RGS3: variants seen among roughly 807,000 people sequenced by gnomAD.
RGS3 encodes regulator of G protein signaling 3.
RGS3 carries 80 observed loss-of-function variants against 132.6 expected under a neutral mutation model. That is an observed-to-expected ratio of 0.60 (90% CI 0.50 to 0.73). RGS3 has a LOEUF of 0.73. Among genes scored for constraint, RGS3 ranks in the 30% least tolerant of loss-of-function variants. RGS3 has a pLI of 0.00. For missense variants in RGS3, 1,382 were observed against 1,530.8 expected (o/e 0.90, Z 1.62); for synonymous variants, 598 against 620.6 (o/e 0.96, Z 0.54).
At chr9:113,445,957 G>T (rs1333803788) in intron 1 of RGS3, among the ~76,000 whole-genome samples, 1 of 152,196 alleles carries the variant, frequency 6.6e-6, no homozygotes, top group Non-Finnish European at 1.5e-5. Flanking sequence ...GGGATTACAG[G>T]CGTGACCCAC....
At chr9:113,451,429 A>C (rs184750697) in intron 1 of RGS3, among the ~76,000 whole-genome samples, 16 of 152,318 alleles carry the variant, frequency 1.1e-4, no homozygotes, top group African/African-American at 3.8e-4. Context: ...ATCACAGTAC[A>C]TGGATCCAGA....
intron 18 of RGS3, 93 bp from the exon 17 acceptor site, chr9:113,536,703 C>T (rs767944293): frequency 3.9e-6 from 6 of 1,544,076 alleles, no homozygotes; most frequent in African/African-American, 1.4e-5. Context: ...TGCAGCCTCA[C>T]CCTCTGGAGC....
chr9:113,580,431 A>C (rs924949006), intron 19 of RGS3, among the ~76,000 whole-genome samples: 1 of 152,184 alleles, frequency 6.6e-6, no homozygotes, highest in African/African-American at 2.4e-5. Context: ...ATTGTATCAA[A>C]AGCTTTTCCA....
At chr9:113,574,361 G>T (rs1834418898) in intron 19 of RGS3, among the ~76,000 whole-genome samples, 1 of 152,154 alleles carries the variant, frequency 6.6e-6, no homozygotes, top group African/African-American at 2.4e-5. Flanking sequence ...TCCTCCCAGA[G>T]CCATCCTAGT....
At chr9:113,523,578 G>C (rs1832064402) in intron 17 of RGS3, among the ~76,000 whole-genome samples, 1 of 152,170 alleles carries the variant, frequency 6.6e-6, no homozygotes, top group African/African-American at 2.4e-5. Context: ...TGGCCCTGCG[G>C]AGCCCAAGCC....
At chr9:113,523,149 T>C (rs7037441) in intron 17 of RGS3, 108 bp downstream of exon 15, 68,320 of 724,702 alleles carry the variant, frequency 0.094, 4,020 homozygotes, top group African/African-American at 0.19. Context: ...GGCACTGGAG[T>C]GTGTGCTGCT....
chr9:113,539,860 G>A (rs1281368537), intron 19 of RGS3, among the ~76,000 whole-genome samples: 1 of 152,212 alleles, frequency 6.6e-6, no homozygotes, highest in African/African-American at 2.4e-5. Flanking sequence ...AGGGAGTCAG[G>A]GGAAGATGGA....
At chr9:113,498,025 A>G in exon 10 of RGS3, 1 of 1,613,664 alleles carries the variant, frequency 6.2e-7, no homozygotes, top group Non-Finnish European at 8.5e-7. Context: ...CACCTTCCAG[A>G]CCCGCTGCTG....
chr9:113,501,275 G>A, intron 10 of RGS3: 1 of 539,944 alleles, frequency 1.9e-6, no homozygotes, highest in Non-Finnish European at 3.0e-6. Context: ...GGAGAATGCA[G>A]CCAGAACAAA....
intron 4 of RGS3, among the ~76,000 whole-genome samples, chr9:113,480,495 A>C (rs900042791): frequency 1.3e-5 from 2 of 151,426 alleles, no homozygotes; most frequent in African/African-American, 4.9e-5. Context: ...CATACATTCC[A>C]AAAATAGCGA....
At chr9:113,540,706 G>A (rs1450578723) in intron 19 of RGS3, among the ~76,000 whole-genome samples, 1 of 152,200 alleles carries the variant, frequency 6.6e-6, no homozygotes, top group Non-Finnish European at 1.5e-5. Flanking sequence ...GGGGAGGGAC[G>A]CACAGAGCAA....
intron 10 of RGS3, chr9:113,501,317 C>T: frequency 2.0e-6 from 2 of 1,010,196 alleles, no homozygotes; most frequent in Non-Finnish European, 2.7e-6. Context: ...CCGGGGAATA[C>T]TAACTAGTTG....
rs978781247 is a variant in RGS3 at position 113,591,659 on chromosome 9, C to T, written c.3080+262C>T. On this transcript the variant is annotated intron_variant, in intron 21 of 24. Transcript: ENST00000350696. This position sits in a 1 kb window ranked among gnomAD's most constrained non-coding sequence, Gnocchi z 4.4. The stretch of plus-strand genomic sequence containing the variant: ...CACAGTGAACCAGAAGCAACCAGCC[C>T]GTTTGCCCTGGCTTTAGCCCAGCTT... 8.6e-6 allele frequency: 4 copies of T among 464,422 alleles called. No homozygotes were observed. Among genetic ancestry groups the T allele is most frequent in the Admixed American group, 6.6e-5 (2 of 30,418 alleles). 28.8% of individuals were successfully genotyped at this position (464,422 alleles called of 1,614,324 possible).
chr9:113,555,116 T>C (rs1833515943), intron 19 of RGS3, among the ~76,000 whole-genome samples: 2 of 152,200 alleles, frequency 1.3e-5, no homozygotes, highest in Non-Finnish European at 2.9e-5. Context: ...TATGGATGGT[T>C]TGGTTTCTAA....
chr9:113,578,287 C>T (rs974643875), intron 19 of RGS3, among the ~76,000 whole-genome samples: 1 of 152,212 alleles, frequency 6.6e-6, no homozygotes, highest in Admixed American at 6.5e-5. Context: ...ATTGAGTGCT[C>T]ATGGGTGCCC....
intron 19 of RGS3, chr9:113,564,812 C>T: frequency 6.5e-6 from 3 of 460,934 alleles, no homozygotes; most frequent in Non-Finnish European, 8.6e-6. Flanking sequence ...CCACCCCCCA[C>T]CCTGGGGGCA....
At chr9:113,499,430 A>G (rs564770597) in intron 10 of RGS3, among the ~76,000 whole-genome samples, 1 of 152,248 alleles carries the variant, frequency 6.6e-6, no homozygotes, top group African/African-American at 2.4e-5. Context: ...GCAGGCTCTG[A>G]GTGAGGGCTG....
At chr9:113,547,174 G>A (rs1218664566) in intron 19 of RGS3, among the ~76,000 whole-genome samples, 1 of 152,204 alleles carries the variant, frequency 6.6e-6, no homozygotes, top group East Asian at 1.9e-4. Flanking sequence ...TTTCAGAGGG[G>A]AGAATGGGCA....
At chr9:113,523,921 C>T (rs991520960) in intron 17 of RGS3, among the ~76,000 whole-genome samples, 4 of 152,114 alleles carry the variant, frequency 2.6e-5, no homozygotes, top group Non-Finnish European at 5.9e-5. Context: ...GAAACCCATT[C>T]AGTATGAGAA....
Sources: gnomAD v4.1 joint callset for allele counts (sites outside exome capture counted in the v4.1 genomes callset) on GRCh38, gnomAD v4.1.1 for gene constraint, Gnocchi (gnomAD v3.1) non-coding constraint, MANE v1.5 for transcripts, NCBI Gene and HGNC (gene_info 2026-07-23, HGNC 2026-07-21) for gene names.